The following SLC25A48 variants were observed in gnomAD, a reference collection of about 807,000 sequenced individuals.
SLC25A48 encodes the protein CTC-321K16.1.
A neutral mutation model predicts 32.2 loss-of-function variants in SLC25A48; 29 were observed. The ratio of observed to expected loss-of-function variants is 0.90; its 90% confidence interval spans 0.67 to 1.23. The LOEUF is 1.23. Among genes scored for constraint, SLC25A48 ranks in the 50% most tolerant of loss-of-function variants. The probability of loss-of-function intolerance (pLI) is 0.00; values close to 1 mark genes in which losing one functional copy is unlikely to be tolerated. For missense variants in SLC25A48, 399 were observed against 422.7 expected (o/e 0.94, Z 0.49); for synonymous variants, 164 against 172.3 (o/e 0.95, Z 0.38).
chr5:135,868,034 G>A (rs1342904330), intron 4 of SLC25A48, among the ~76,000 whole-genome samples: 4 of 152,210 alleles, frequency 2.6e-5, no homozygotes, highest in African/African-American at 7.2e-5. Flanking sequence ...TTTCAAATAT[G>A]AGAAGTCACT....
At chr5:135,791,211 G>A (rs1757023083) in intron 3 of SLC25A48, among the ~76,000 whole-genome samples, 1 of 151,866 alleles carries the variant, frequency 6.6e-6, no homozygotes, top group African/African-American at 2.4e-5. Flanking sequence ...TGTACAACCT[G>A]TGATATTAGC....
At chr5:135,726,176 G>A (rs1036688899) in intron 3 of SLC25A48, among the ~76,000 whole-genome samples, 6 of 152,240 alleles carry the variant, frequency 3.9e-5, no homozygotes, top group African/African-American at 1.4e-4. Flanking sequence ...CCCCAGCAGT[G>A]TAGCAGCAGG....
intron 1 of SLC25A48, among the ~76,000 whole-genome samples, chr5:135,589,722 TCTCA>T (rs1751463989): frequency 6.6e-6 from 1 of 152,062 alleles, no homozygotes. Flanking sequence ...TGAGGCGGAG[TCTCA>T]CTCTGTCTCC....
chr5:135,835,253 C>T (rs1263901668), intron 1 of SLC25A48: 3 of 500,388 alleles, frequency 6.0e-6, no homozygotes, highest in Middle Eastern at 3.8e-4. Flanking sequence ...GGACGTGGCT[C>T]GCGGGAACTT....
intron 3 of SLC25A48, among the ~76,000 whole-genome samples, chr5:135,765,459 G>T (rs1208391312): frequency 6.6e-6 from 1 of 151,718 alleles, no homozygotes; most frequent in African/African-American, 2.4e-5. Flanking sequence ...ATCGCAGGGC[G>T]TGTACACCCC....
intron 1 of SLC25A48, among the ~76,000 whole-genome samples, chr5:135,625,580 G>T (rs1752424324): frequency 6.6e-6 from 1 of 152,144 alleles, no homozygotes; most frequent in Admixed American, 6.5e-5. Flanking sequence ...GCCTACCTCT[G>T]CAGTCTCACT....
intron 3 of SLC25A48, among the ~76,000 whole-genome samples, chr5:135,812,150 ATTTAT>A (rs1286463857): frequency 3.4e-5 from 5 of 149,154 alleles, no homozygotes; most frequent in Admixed American, 6.6e-5. Flanking sequence ...ATTGATTTTT[ATTTAT>A]TTTATTTTAT....
At chr5:135,672,584 A>G (rs1191769286) in intron 3 of SLC25A48, among the ~76,000 whole-genome samples, 1 of 152,146 alleles carries the variant, frequency 6.6e-6, no homozygotes, top group African/African-American at 2.4e-5. Flanking sequence ...CATGGCCAAG[A>G]TGGAGTGGAG....
intron 1 of SLC25A48, among the ~76,000 whole-genome samples, chr5:135,605,272 G>GC (rs1459955300): frequency 6.6e-6 from 1 of 152,198 alleles, no homozygotes; most frequent in Non-Finnish European, 1.5e-5. Context: ...CTGGCCTCCA[G>GC]CCCCTATTCC....
At chr5:135,644,575 C>T (rs761623843) in intron 3 of SLC25A48, among the ~76,000 whole-genome samples, 3 of 152,086 alleles carry the variant, frequency 2.0e-5, no homozygotes, top group Non-Finnish European at 2.9e-5. Context: ...TATCATTAGT[C>T]TTCATCATAG....
chr5:135,609,370 G>A (rs1385227943), intron 1 of SLC25A48: 3 of 152,230 alleles, frequency 2.0e-5, no homozygotes, highest in Non-Finnish European at 4.4e-5. Context: ...TGGAGCTGCT[G>A]TTTCATGAGA....
rs184625078 is a variant in SLC25A48 at position 135,846,991 on chromosome 5, T to C, written c.91-3434T>C. On this transcript the variant is annotated intron_variant, in intron 2 of 7. Coordinates refer to ENST00000681962, the MANE Select transcript of SLC25A48 (RefSeq NM_001349336.2). ...TCTTACTTGATACAATATGAGCAGG[T>C]TTGCAAAAGCGAAAGAGTCCAAAAT... Among the ~76,000 whole-genome samples the C allele has an allele frequency of 9.2e-5, 14 of 152,284 alleles. No individual in the cohort carries two copies. The South Asian group carries it at 2.1e-3, about 23-fold the overall frequency.
intron 3 of SLC25A48, among the ~76,000 whole-genome samples, chr5:135,716,524 G>T (rs1235990404): frequency 6.6e-6 from 1 of 151,996 alleles, no homozygotes. Flanking sequence ...TCTCACTGCG[G>T]ATCATTTCCT....
At chr5:135,676,450 T>G (rs1267634816) in intron 3 of SLC25A48, among the ~76,000 whole-genome samples, 5 of 151,972 alleles carry the variant, frequency 3.3e-5, no homozygotes, top group Admixed American at 3.3e-4. Flanking sequence ...CCCTTTTTGG[T>G]CTCCCTTTCA....
chr5:135,775,199 C>A (rs944566668), intron 3 of SLC25A48, among the ~76,000 whole-genome samples: 20 of 151,736 alleles, frequency 1.3e-4, no homozygotes, highest in African/African-American at 4.4e-4. Context: ...GAATGTACAA[C>A]CCTCTTGTGA....
intron 1 of SLC25A48, among the ~76,000 whole-genome samples, chr5:135,605,577 T>C (rs1361539432): frequency 1.3e-5 from 2 of 152,348 alleles, no homozygotes; most frequent in Non-Finnish European, 2.9e-5. Context: ...CCTTAGGTAC[T>C]TGCTTTTCAG....
intron 4 of SLC25A48, among the ~76,000 whole-genome samples, chr5:135,853,930 T>C (rs924472938): frequency 4.6e-5 from 7 of 152,232 alleles, no homozygotes; most frequent in Non-Finnish European, 8.8e-5. Context: ...ACTCCTTGAT[T>C]CACGGGCTGC....
intron 3 of SLC25A48, among the ~76,000 whole-genome samples, chr5:135,802,594 G>A (rs989470457): frequency 7.9e-5 from 12 of 151,154 alleles, no homozygotes; most frequent in Non-Finnish European, 8.9e-5. Context: ...AATATCCTAG[G>A]GAGATATTGT....
chr5:135,709,234 C>A (rs962531423), intron 3 of SLC25A48, among the ~76,000 whole-genome samples: 4 of 152,222 alleles, frequency 2.6e-5, no homozygotes, highest in African/African-American at 7.2e-5. Flanking sequence ...GTGGCAGAAC[C>A]TGAGAACTGG....
Sources: gnomAD v4.1 joint callset for allele counts (sites outside exome capture counted in the v4.1 genomes callset) on GRCh38, gnomAD v4.1.1 for gene constraint, MANE v1.5 for transcripts, NCBI Gene and HGNC (gene_info 2026-07-23, HGNC 2026-07-21) for gene names.